The following OLFML1 variants were observed in gnomAD, a reference collection of about 807,000 sequenced individuals.
OLFML1 encodes olfactomedin-like protein 1.
In OLFML1, 33 loss-of-function variants were observed where a neutral mutation model predicts 37.3. The ratio of observed to expected loss-of-function variants is 0.88; its 90% CI spans 0.67 to 1.18. The LOEUF is 1.18. Ranked by LOEUF, OLFML1 falls within the 50% of genes most tolerant of loss-of-function variation. The pLI, the probability that OLFML1 is intolerant of heterozygous loss-of-function variation, is 0.00. For synonymous variants in OLFML1, 186 were observed against 181.3 expected (o/e 1.03, Z -0.21); for missense variants, 545 against 483.7 (o/e 1.13, Z -1.19).
chr11:7,496,161 C>A (rs530526406), intron 2 of OLFML1, among the ~76,000 whole-genome samples: 88 of 152,344 alleles, frequency 5.8e-4, no homozygotes, highest in Non-Finnish European at 2.4e-4. Context: ...TTGTCCTCTG[C>A]ATGGCCTCTG....
chr11:7,491,149 A>AT (rs1185454077), intron 2 of OLFML1, among the ~76,000 whole-genome samples: 4 of 150,422 alleles, frequency 2.7e-5, no homozygotes, highest in African/African-American at 2.4e-5. Flanking sequence ...ATATTTATAT[A>AT]TTTTTTCCTA....
rs538710243 is a variant in OLFML1, at chr11:7,501,633, T to C, written c.419-7765T>C. Among the ~76,000 whole-genome samples, 154 of 152,278 alleles carry C rather than the reference T, an allele frequency of 1.0e-3. 1 individual carries two copies. The highest frequency in any genetic ancestry group is 3.7e-3 in the African/African-American group (152 of 41,546). Reference sequence around the variant, plus strand: ...CTCAGCTCTTCCCAGCTAGGGTTGCTCCCACCCCCACTTCTGCCATGTGTT... The same window carrying C: ...CTCAGCTCTTCCCAGCTAGGGTTGCCCCCACCCCCACTTCTGCCATGTGTT... On this transcript the variant is annotated intron_variant, in intron 2 of 2. Coordinates refer to ENST00000329293, the MANE Select transcript of OLFML1 (RefSeq NM_198474.4).
rs764481715 is a variant in OLFML1, at chr11:7,509,532, A to G, written c.553A>G (p.Thr185Ala). Reference protein sequence around the residue: ...VYLLIGSRNNTVWEFANIRAF... With the variant: ...VYLLIGSRNNAVWEFANIRAF... ...CTTATTAATTGGATCCAGAAACAAC[A>G]CTGTTTGGGAATTTGCAAACATACG... The change falls in exon 3 of 3, where the codon ACT (threonine) becomes GCT (alanine). Residue 185 changes from threonine (T) to alanine (A), a missense_variant. Coordinates refer to ENST00000329293, the MANE Select transcript of OLFML1 (RefSeq NM_198474.4). 2.5e-6 allele frequency: 4 copies of G among 1,614,190 alleles called. No homozygotes were observed. Among genetic ancestry groups the G allele is most frequent in the Non-Finnish European group, 3.4e-6 (4 of 1,180,030 alleles).
chr11:7,511,129 G>A lies in OLFML1; in HGVS notation c.*941G>A, dbSNP rs947258771. 4.6e-5 allele frequency: 7 copies of A among 152,204 alleles called. No individual in the cohort carries two copies. The highest frequency in any genetic ancestry group is 2.1e-4 in the South Asian group (1 of 4,826). The allele number at this position is 152,204 out of a possible 1,614,324, so 9.4% of individuals were successfully genotyped here. A position where few individuals can be genotyped will look rare whatever the true frequency, so the allele number is the denominator to read the frequency against. On this transcript the variant is annotated 3_prime_UTR_variant, in exon 3 of 3. Coordinates refer to ENST00000329293, the MANE Select transcript of OLFML1 (RefSeq NM_198474.4). ...GTTCACCTACTCTTATAGTCAATGCGTTCATCGTTTCAGCCTAAAAATAAT... is the reference window on the plus strand; with the variant it reads ...GTTCACCTACTCTTATAGTCAATGCATTCATCGTTTCAGCCTAAAAATAAT...
intron 2 of OLFML1, among the ~76,000 whole-genome samples, chr11:7,507,186 C>T (rs868406767): frequency 5.9e-5 from 9 of 152,198 alleles, no homozygotes; most frequent in Non-Finnish European, 1.3e-4. Flanking sequence ...TGAAGTGGCA[C>T]TAAGGAGCTA....
At chr11:7,509,351 AG>A in intron 2 of OLFML1, 46 bp from the exon 3 acceptor site, 1 of 1,432,450 alleles carries the variant, frequency 7.0e-7, no homozygotes, top group Middle Eastern at 1.8e-4. Flanking sequence ...GAAAGCAGAC[AG>A]CTCATGTTTA....
At chr11:7,493,164 CAA>C (rs1848619830) in intron 2 of OLFML1, among the ~76,000 whole-genome samples, 1 of 152,130 alleles carries the variant, frequency 6.6e-6, no homozygotes, top group African/African-American at 2.4e-5. Context: ...CAAGGGTGCA[CAA>C]AAAGTTACCT....
At chr11:7,486,594 T>C (rs1183350483) in intron 1 of OLFML1, among the ~76,000 whole-genome samples, 6 of 152,158 alleles carry the variant, frequency 3.9e-5, no homozygotes, top group African/African-American at 1.2e-4. Context: ...AAGAATGCAT[T>C]TGGGCTGCCA....
rs778856687 is a variant in OLFML1, at chr11:7,509,743, G to C, written c.764G>C (p.Gly255Ala). Reference sequence around the variant, plus strand: ...GAAGATCGAATGCTGCTCCCAGGAGGGGTAGGCCGAGCATTGGTTTACCAG... The same window carrying C: ...GAAGATCGAATGCTGCTCCCAGGAGCGGTAGGCCGAGCATTGGTTTACCAG... ...TVEDRMLLPG[G>A]VGRALVYQHS... Residue 255 changes from glycine (G) to alanine (A), a missense_variant, in exon 3 of 3, where the codon GGG (glycine) becomes GCG (alanine). Transcript: ENST00000329293. 5 of 1,614,226 alleles carry C rather than the reference G, an allele frequency of 3.1e-6. No individual in the cohort carries two copies. In the Admixed American group the frequency reaches 6.7e-5, roughly 22 times the overall value.
At chr11:7,487,615 T>A (rs1238818033) in intron 1 of OLFML1, among the ~76,000 whole-genome samples, 5 of 152,224 alleles carry the variant, frequency 3.3e-5, no homozygotes, top group Non-Finnish European at 7.3e-5. Context: ...CTTAAAATAA[T>A]CTGATGAAGA....
chr11:7,492,461 T>C (rs553949219), intron 2 of OLFML1, among the ~76,000 whole-genome samples: 41 of 152,328 alleles, frequency 2.7e-4, no homozygotes, highest in Non-Finnish European at 4.6e-4. Context: ...AAATTTAACC[T>C]TGTATCTCAG....
chr11:7,488,334 G>GT lies in OLFML1; in HGVS notation c.337_338insT (p.Glu113ValfsTer16). 1 of 1,614,044 alleles carries GT rather than the reference G, an allele frequency of 6.2e-7. No individual in the cohort carries two copies. Among genetic ancestry groups the GT allele is most frequent in the East Asian group, 2.2e-5 (1 of 44,868 alleles). ...CCTTCGAGAGGCTGACGAGTGCATC[G>GT]AATCAGAGGACAAGACACTGGCAGA... On this transcript the variant is annotated frameshift_variant, in exon 2 of 3. Coordinates refer to ENST00000329293, the MANE Select transcript of OLFML1 (RefSeq NM_198474.4). LOFTEE classifies it high-confidence loss of function.
intron 2 of OLFML1, among the ~76,000 whole-genome samples, chr11:7,501,965 G>C (rs1340673801): frequency 6.6e-6 from 1 of 152,170 alleles, no homozygotes; most frequent in Non-Finnish European, 1.5e-5. Context: ...CGATGAGCTA[G>C]TAAATAAAAC....
At chr11:7,494,850 A>G (rs1848641793) in intron 2 of OLFML1, among the ~76,000 whole-genome samples, 1 of 152,178 alleles carries the variant, frequency 6.6e-6, no homozygotes, top group Admixed American at 6.5e-5. Context: ...TATGAAGACC[A>G]TGTTAGTTTT....
chr11:7,488,151 G>T lies in OLFML1; in HGVS notation c.154G>T (p.Ala52Ser). The T allele has an allele frequency of 3.1e-6, 5 of 1,609,188 alleles. No homozygotes were observed. The highest frequency in any genetic ancestry group is 4.2e-6 in the Non-Finnish European group (5 of 1,177,040). The change falls in exon 2 of 3, where the codon GCA becomes TCA. Residue 52 changes from alanine to serine, a missense_variant. By Grantham distance (99) the Ala-to-Ser change is moderately conservative (BLOSUM62 1). Coordinates refer to ENST00000329293, the MANE Select transcript of OLFML1 (RefSeq NM_198474.4). ...GCAAGGGCTGGAAAAATGTACCCAAGCAACGAGGGCATACATTCAAGAATT... is the reference window on the plus strand; with the variant it reads ...GCAAGGGCTGGAAAAATGTACCCAATCAACGAGGGCATACATTCAAGAATT... ...LEQGLEKCTQ[A>S]TRAYIQEFQE... is the part of the protein sequence containing the mutation.
At chr11:7,488,530 G>C (rs1269401964) in intron 2 of OLFML1, 115 bp downstream of exon 2, 1 of 789,344 alleles carries the variant, frequency 1.3e-6, no homozygotes, top group Non-Finnish European at 2.0e-6. Flanking sequence ...TTGGAGGTGT[G>C]CTTTTGTGTG....
chr11:7,508,266 G>C (rs150438728), intron 2 of OLFML1, among the ~76,000 whole-genome samples: 1 of 152,112 alleles, frequency 6.6e-6, no homozygotes, highest in East Asian at 1.9e-4. Flanking sequence ...TAATAAGACC[G>C]GCACAGTTAA....
intron 1 of OLFML1, among the ~76,000 whole-genome samples, chr11:7,486,323 G>A (rs1301484742): frequency 3.3e-5 from 5 of 152,122 alleles, no homozygotes; most frequent in African/African-American, 1.2e-4. Context: ...ATACTGCCTG[G>A]CATAATGGTA....
intron 2 of OLFML1, among the ~76,000 whole-genome samples, chr11:7,494,747 G>A (rs1474480441): frequency 1.3e-5 from 2 of 152,202 alleles, no homozygotes; most frequent in Non-Finnish European, 2.9e-5. Context: ...CTCCAGGACT[G>A]CCAGGGAGGC....
Sources: allele counts gnomAD v4.1 joint callset (sites outside exome capture counted in the v4.1 genomes callset), GRCh38; gene constraint gnomAD v4.1.1; transcripts MANE v1.5; gene names NCBI Gene and HGNC (gene_info 2026-07-23, HGNC 2026-07-21).